Variants in ANKRD6 observed in about 807,000 individuals in gnomAD.
ANKRD6 encodes ankyrin repeat domain 6.
In ANKRD6, 56 loss-of-function variants were observed where a neutral mutation model predicts 82.3. The ratio of observed to expected loss-of-function variants is 0.68; its 90% CI spans 0.55 to 0.85. The LOEUF is 0.85. Among genes scored for constraint, ANKRD6 ranks in the 40% least tolerant of loss-of-function variants. The pLI, the probability that ANKRD6 is intolerant of heterozygous loss-of-function variation, is 0.00. For missense variants in ANKRD6, 852 were observed against 907.6 expected (o/e 0.94, Z 0.79); for synonymous variants, 347 against 352.1 (o/e 0.99, Z 0.16).
chr6:89,457,905 G>A (rs75910244), intron 1 of ANKRD6, among the ~76,000 whole-genome samples: 8,327 of 152,258 alleles, frequency 0.055, 263 homozygotes, highest in South Asian at 0.13. Context: ...ATGGTACTAG[G>A]AGGTGGGGCC....
chr6:89,627,382 G>A (rs1806066684), intron 13 of ANKRD6, among the ~76,000 whole-genome samples: 6 of 152,134 alleles, frequency 3.9e-5, no homozygotes, highest in Admixed American at 3.3e-4. Context: ...TTTAAAAAAC[G>A]AAACGTTGGC....
chr6:89,500,485 T>C lies in ANKRD6; in HGVS notation c.-143-66349T>C, dbSNP rs904073999. The stretch of plus-strand genomic sequence containing the variant: ...CACCAGGCAGTCCTACTATTAATAA[T>C]GTCATATGATATATTTTTTAATAAA... On this transcript the variant is annotated intron_variant, in intron 1 of 15. Transcript: ENST00000339746. Among the ~76,000 whole-genome samples the C allele has an allele frequency of 2.6e-5, 4 of 152,208 alleles. No individual in the cohort carries two copies. In the East Asian group the frequency reaches 7.7e-4, roughly 29 times the overall value.
intron 1 of ANKRD6, among the ~76,000 whole-genome samples, chr6:89,437,477 G>T (rs1002948396): frequency 1.3e-5 from 2 of 152,118 alleles, no homozygotes; most frequent in African/African-American, 4.8e-5. Flanking sequence ...ATCTCTCTGT[G>T]CCCTCCTTAG....
intron 1 of ANKRD6, among the ~76,000 whole-genome samples, chr6:89,467,971 C>A (rs1775035596): frequency 6.6e-6 from 1 of 152,178 alleles, no homozygotes; most frequent in Non-Finnish European, 1.5e-5. Context: ...CATAAAAATT[C>A]TTGTTATACT....
At position 89,630,486 on chromosome 6, in the gene ANKRD6, C is replaced by T; in HGVS notation, c.1666C>T (p.Pro556Ser). ...TCCAGCAGCAGCTTCCGACAGCTCCCCTCCAGTGGTTAGGCCCAAAGAGAA... is the reference window on the plus strand; with the variant it reads ...TCCAGCAGCAGCTTCCGACAGCTCCTCTCCAGTGGTTAGGCCCAAAGAGAA... ...AGPAAASDSS[P>S]PVVRPKEKAL... The change falls in exon 16 of 16, where the codon CCT becomes TCT. Residue 556 changes from proline to serine, a missense_variant. Pro to Ser is a moderately conservative substitution (Grantham distance 74, BLOSUM62 -1). Coordinates refer to ENST00000339746, the MANE Select transcript of ANKRD6 (RefSeq NM_001242809.2). 6.2e-7 allele frequency: 1 copy of T among 1,614,004 alleles called. No homozygotes were observed. Among genetic ancestry groups the T allele is most frequent in the Non-Finnish European group, 8.5e-7 (1 of 1,179,878 alleles).
At chr6:89,582,171 G>A (rs1792690115) in intron 2 of ANKRD6, among the ~76,000 whole-genome samples, 3 of 152,184 alleles carry the variant, frequency 2.0e-5, no homozygotes, top group African/African-American at 7.2e-5. Flanking sequence ...TGATACAACT[G>A]TTTTGAAGGA....
At chr6:89,469,620 C>T (rs1200241556) in intron 1 of ANKRD6, among the ~76,000 whole-genome samples, 1 of 152,204 alleles carries the variant, frequency 6.6e-6, no homozygotes, top group Non-Finnish European at 1.5e-5. Flanking sequence ...ATCTGACCCA[C>T]CTGGAAAGCT....
intron 9 of ANKRD6, among the ~76,000 whole-genome samples, chr6:89,619,258 T>A (rs984321085): frequency 1.3e-5 from 2 of 152,186 alleles, no homozygotes; most frequent in African/African-American, 4.8e-5. Flanking sequence ...TGGAATCACA[T>A]CCATGAATCC....
intron 1 of ANKRD6, among the ~76,000 whole-genome samples, chr6:89,541,753 A>G (rs995051446): frequency 7.3e-5 from 11 of 151,686 alleles, no homozygotes; most frequent in Non-Finnish European, 1.6e-4. Flanking sequence ...ATCCTGCAAC[A>G]TTACTGTACT....
intron 5 of ANKRD6, among the ~76,000 whole-genome samples, chr6:89,607,900 C>T (rs1166802761): frequency 9.4e-6 from 1 of 106,862 alleles, no homozygotes; most frequent in Admixed American, 8.2e-5. Context: ...CCCGCCTCAG[C>T]CTCCTAAGTA....
At chr6:89,502,782 C>T (rs759124301) in intron 1 of ANKRD6, among the ~76,000 whole-genome samples, 2 of 152,082 alleles carry the variant, frequency 1.3e-5, no homozygotes, top group African/African-American at 4.8e-5. Context: ...AGGTACTATT[C>T]TAAGTGTTAT....
At chr6:89,504,096 G>C (rs1779555636) in intron 1 of ANKRD6, among the ~76,000 whole-genome samples, 1 of 135,026 alleles carries the variant, frequency 7.4e-6, no homozygotes, top group African/African-American at 2.7e-5. Flanking sequence ...GAGGTTTAAA[G>C]GATCACCTTG....
chr6:89,551,549 T>G (rs1785852867), intron 1 of ANKRD6, among the ~76,000 whole-genome samples: 2 of 152,208 alleles, frequency 1.3e-5, no homozygotes, highest in South Asian at 4.1e-4. Context: ...AAGACTGGGT[T>G]CCAGGCCCCT....
intron 1 of ANKRD6, among the ~76,000 whole-genome samples, chr6:89,488,326 T>G (rs1777603746): frequency 6.6e-6 from 1 of 152,236 alleles, no homozygotes; most frequent in South Asian, 2.1e-4. Context: ...GGCACATGCC[T>G]GCAGTCCCAG....
Position 89,603,108 on chromosome 6 carries a change from C to G in ANKRD6, c.299C>G (p.Ala100Gly). 1 of 1,604,736 alleles carries G rather than the reference C, an allele frequency of 6.2e-7. No homozygotes were observed. The highest frequency in any genetic ancestry group is 8.5e-7 in the Non-Finnish European group (1 of 1,176,048). The change falls in exon 4 of 16, where the codon GCC (alanine) becomes GGC (glycine). Residue 100 changes from alanine to glycine, a missense_variant. Physicochemically the swap from Ala to Gly is moderately conservative, Grantham distance 60 (BLOSUM62 0). Coordinates refer to ENST00000339746, the MANE Select transcript of ANKRD6 (RefSeq NM_001242809.2). ...GCGGCGCTCATCCACGAAGGGTGTG[C>G]CCTGGACAGACAAGACAAGGTGAGT... ...IIAALIHEGC[A>G]LDRQDKDGNT... is the part of the protein sequence containing the mutation.
Position 89,498,524 on chromosome 6 carries a change from A to T in ANKRD6, c.-144+65149A>T, listed in dbSNP as rs560171499. Among the ~76,000 whole-genome samples the T allele has an allele frequency of 7.1e-5, 10 of 140,392 alleles. No individual in the cohort carries two copies. In the East Asian group the frequency reaches 1.7e-3, roughly 23 times the overall value. 92.1% of individuals were successfully genotyped at this position (140,392 alleles called of 152,430 possible). A position where few individuals can be genotyped will look rare whatever the true frequency, so the allele number is the denominator to read the frequency against. ...ATAATAGATTTCCCTTTATATATAT[A>T]TATTTTTTTTTACCTTGTTTACATT... On this transcript the variant is annotated intron_variant, in intron 1 of 15. Coordinates refer to ENST00000339746, the MANE Select transcript of ANKRD6 (RefSeq NM_001242809.2).
chr6:89,598,063 A>C, intron 3 of ANKRD6: 1 of 974,424 alleles, frequency 1.0e-6, no homozygotes, highest in Non-Finnish European at 1.2e-6. Flanking sequence ...AATGATATGA[A>C]GAATTTACTC....
intron 1 of ANKRD6, among the ~76,000 whole-genome samples, chr6:89,469,497 T>C (rs928030214): frequency 6.6e-6 from 1 of 152,218 alleles, no homozygotes; most frequent in African/African-American, 2.4e-5. Context: ...CTTTTTACCA[T>C]AAGCCCCAGC....
intron 13 of ANKRD6, among the ~76,000 whole-genome samples, chr6:89,626,639 G>A (rs943763289): frequency 1.8e-4 from 27 of 152,222 alleles, no homozygotes; most frequent in African/African-American, 6.5e-4. Context: ...GTGTGTCCCT[G>A]ACAGGAGGGG....
Sources: allele counts gnomAD v4.1 joint callset (sites outside exome capture counted in the v4.1 genomes callset), GRCh38; gene constraint gnomAD v4.1.1; transcripts MANE v1.5; gene names NCBI Gene and HGNC (gene_info 2026-07-23, HGNC 2026-07-21).